DLGAP4: variants seen among roughly 807,000 people sequenced by gnomAD.
DLGAP4 encodes the protein DLG associated protein 4.
Under a neutral mutation model 86.9 loss-of-function variants are expected in DLGAP4, and 18 were observed. The observed-to-expected ratio is 0.21, with a 90% CI of 0.14 to 0.31. The LOEUF is 0.31. DLGAP4 is among the 10% of genes least tolerant of loss of function. DLGAP4 has a pLI of 1.00. For synonymous variants in DLGAP4, 548 were observed against 574.3 expected (o/e 0.95, Z 0.65); for missense variants, 1,085 against 1,362.6 (o/e 0.80, Z 3.21).
chr20:36,424,800 ATC>A (rs1022956748), intron 2 of DLGAP4, among the ~76,000 whole-genome samples: 4 of 151,466 alleles, frequency 2.6e-5, no homozygotes, highest in African/African-American at 9.7e-5. Context: ...CAGTGGCACA[ATC>A]TCAGCTCACT....
intron 2 of DLGAP4, among the ~76,000 whole-genome samples, chr20:36,405,795 A>G (rs2032300967): frequency 6.6e-6 from 1 of 152,146 alleles, no homozygotes; most frequent in Non-Finnish European, 1.5e-5. Context: ...TGACACACCC[A>G]TGTTAGGACA....
chr20:36,313,605 G>T (rs1261910136), intron 1 of DLGAP4, among the ~76,000 whole-genome samples: 1 of 152,004 alleles, frequency 6.6e-6, no homozygotes, highest in African/African-American at 2.4e-5. Context: ...GCCTGCTGCT[G>T]GGGGGGCAGG....
intron 2 of DLGAP4, among the ~76,000 whole-genome samples, chr20:36,396,123 C>G (rs79004040): frequency 0.014 from 2,149 of 152,070 alleles, 19 homozygotes; most frequent in Non-Finnish European, 0.021. Flanking sequence ...AGGGAAGCAC[C>G]ACCTCCGGAA....
chr20:36,311,844 A>G (rs1469149802), intron 1 of DLGAP4, among the ~76,000 whole-genome samples: 1 of 152,218 alleles, frequency 6.6e-6, no homozygotes, highest in Non-Finnish European at 1.5e-5. Context: ...GACGTAAGTC[A>G]GTTAGAGTTT....
At chr20:36,462,320 C>T (rs926946041) in intron 7 of DLGAP4, 7 of 1,349,332 alleles carry the variant, frequency 5.2e-6, no homozygotes, top group Non-Finnish European at 3.8e-6. Context: ...CCCCACTTCT[C>T]GGGATCGGGG....
chr20:36,496,612 A>C, intron 7 of DLGAP4, 93 bp from the exon 8 acceptor site: 1 of 1,509,692 alleles, frequency 6.6e-7, no homozygotes, highest in Non-Finnish European at 8.8e-7. Context: ...GCTAGGGCCA[A>C]GTCAGGCAGG....
chr20:36,413,734 A>G (rs2032574675), intron 2 of DLGAP4, among the ~76,000 whole-genome samples: 1 of 152,090 alleles, frequency 6.6e-6, no homozygotes, highest in South Asian at 2.1e-4. Context: ...TGGACATTTC[A>G]TATAAAGGGA....
intron 2 of DLGAP4, among the ~76,000 whole-genome samples, chr20:36,420,611 G>A (rs1458473916): frequency 1.3e-5 from 2 of 152,186 alleles, no homozygotes; most frequent in African/African-American, 4.8e-5. Flanking sequence ...GCTAAGGTGG[G>A]CGGATCACCT....
At chr20:36,416,401 C>G (rs955503978) in intron 2 of DLGAP4, among the ~76,000 whole-genome samples, 1 of 152,244 alleles carries the variant, frequency 6.6e-6, no homozygotes, top group South Asian at 2.1e-4. Flanking sequence ...GGATTACAGG[C>G]GTGAGCCACG....
At chr20:36,392,733 A>G (rs1191712380) in intron 2 of DLGAP4, among the ~76,000 whole-genome samples, 1 of 152,236 alleles carries the variant, frequency 6.6e-6, no homozygotes, top group African/African-American at 2.4e-5. Context: ...ACTAGGTTTC[A>G]GGTACTGTTT....
intron 1 of DLGAP4, among the ~76,000 whole-genome samples, chr20:36,339,538 C>A (rs2065355998): frequency 6.6e-6 from 1 of 152,182 alleles, no homozygotes; most frequent in Non-Finnish European, 1.5e-5. Context: ...CAGCCACCAC[C>A]CCTGGCTAAT....
chr20:36,356,484 G>A (rs1393093559), intron 1 of DLGAP4, among the ~76,000 whole-genome samples: 1 of 152,032 alleles, frequency 6.6e-6, no homozygotes, highest in Non-Finnish European at 1.5e-5. Flanking sequence ...GCTAATTATT[G>A]TATTTTTAGT....
chr20:36,404,207 A>T (rs2032245272), intron 2 of DLGAP4, among the ~76,000 whole-genome samples: 1 of 152,120 alleles, frequency 6.6e-6, no homozygotes, highest in African/African-American at 2.4e-5. Context: ...TCTAAACCTC[A>T]GTTTCCCCAT....
rs866264913 is a variant in DLGAP4, at chr20:36,426,390, C to T, written c.-72-5256C>T. Among the ~76,000 whole-genome samples the T allele has an allele frequency of 2.6e-5, 4 of 152,094 alleles. No individual in the cohort carries two copies. In the South Asian group the frequency reaches 6.2e-4, roughly 24 times the overall value. ...ATTAGCTGGGCATGGTGGCATGCGC[C>T]TCTAATCCCAGCTACTTGGGAGGCT... On this transcript the variant is annotated intron_variant, in intron 2 of 12. Coordinates refer to ENST00000339266, the MANE Select transcript of DLGAP4 (RefSeq NM_001365621.2).
intron 1 of DLGAP4, among the ~76,000 whole-genome samples, chr20:36,339,278 G>A (rs1412598138): frequency 6.6e-6 from 1 of 152,106 alleles, no homozygotes; most frequent in Non-Finnish European, 1.5e-5. Context: ...AGTAGAGACG[G>A]GGTTTCACCA....
chr20:36,331,920 A>G (rs2065272445), intron 1 of DLGAP4, among the ~76,000 whole-genome samples: 1 of 151,840 alleles, frequency 6.6e-6, no homozygotes, highest in Non-Finnish European at 1.5e-5. Context: ...CAGGCAGGGA[A>G]CAAACTGGGG....
At chr20:36,446,622 G>A in intron 6 of DLGAP4, 75 bp from the exon 7 acceptor site, 1 of 1,436,274 alleles carries the variant, frequency 7.0e-7, no homozygotes, top group Non-Finnish European at 9.5e-7. Flanking sequence ...CCTGCCCTGA[G>A]CCCACCACCA....
At chr20:36,307,354 G>A (rs2065013805) in intron 1 of DLGAP4, among the ~76,000 whole-genome samples, 1 of 152,166 alleles carries the variant, frequency 6.6e-6, no homozygotes. Flanking sequence ...ACCTGGACGT[G>A]TAATGGCCCT....
intron 1 of DLGAP4, among the ~76,000 whole-genome samples, chr20:36,365,282 G>A (rs1317734693): frequency 1.3e-5 from 2 of 152,206 alleles, no homozygotes; most frequent in Non-Finnish European, 2.9e-5. Context: ...TGGGCTCTGG[G>A]TGAATTTGGC....
Sources: gnomAD v4.1 joint callset for allele counts (sites outside exome capture counted in the v4.1 genomes callset) on GRCh38, gnomAD v4.1.1 for gene constraint, MANE v1.5 for transcripts, NCBI Gene and HGNC (gene_info 2026-07-23, HGNC 2026-07-21) for gene names.